ANO1: variants seen among roughly 807,000 people sequenced by gnomAD.
The protein encoded by ANO1 is anoctamin 1.
In ANO1, 59 loss-of-function variants were observed where a neutral mutation model predicts 124.0. The observed-to-expected ratio is 0.48, with a 90% CI of 0.39 to 0.59. The LOEUF (loss-of-function observed/expected upper bound fraction) is 0.59. Ranked by LOEUF, ANO1 falls within the 20% of genes least tolerant of loss-of-function variation. ANO1 has a pLI of 0.00. For missense variants in ANO1, 1,059 were observed against 1,328.0 expected, an observed-to-expected ratio of 0.80 and a Z score of 3.15; for synonymous variants, 529 against 532.0, an observed-to-expected ratio of 0.99 and a Z score of 0.08.
intron 1 of ANO1, among the ~76,000 whole-genome samples, chr11:69,990,944 G>C (rs1856141834): frequency 6.6e-6 from 1 of 152,062 alleles, no homozygotes; most frequent in African/African-American, 2.4e-5. Context: ...AATGTCCTTT[G>C]ATGTACAAAA....
At chr11:70,004,595 G>A (rs1856449302) in intron 1 of ANO1, among the ~76,000 whole-genome samples, 1 of 152,238 alleles carries the variant, frequency 6.6e-6, no homozygotes, top group South Asian at 2.1e-4. Flanking sequence ...ACGTTACGCA[G>A]CATCTCCTGG....
intron 1 of ANO1, chr11:70,065,019 A>G (rs968332065): frequency 2.0e-5 from 3 of 152,284 alleles, no homozygotes; most frequent in African/African-American, 7.2e-5. Context: ...GACTTAAAAA[A>G]TATGTGGTTG....
chr11:70,143,997 C>T (rs1419429366), intron 11 of ANO1, among the ~76,000 whole-genome samples: 2 of 152,042 alleles, frequency 1.3e-5, no homozygotes, highest in Admixed American at 6.6e-5. Flanking sequence ...TTTCCCCCAA[C>T]CCCAGCCCCT....
intron 1 of ANO1, among the ~76,000 whole-genome samples, chr11:70,008,575 C>G (rs1555000490): frequency 6.6e-6 from 1 of 151,928 alleles, no homozygotes; most frequent in South Asian, 2.1e-4. Context: ...TATTTCTGGG[C>G]TCTCTGTTCT....
At chr11:70,077,078 T>C (rs2044070529), upstream of ANO1, among the ~76,000 whole-genome samples, 1 of 152,156 alleles carries the variant, frequency 6.6e-6, no homozygotes, top group Admixed American at 6.5e-5. Context: ...GACTCCAGGT[T>C]CCATGCTTGG....
chr11:70,091,696 G>A (rs1237949415), intron 2 of ANO1, among the ~76,000 whole-genome samples: 1 of 152,190 alleles, frequency 6.6e-6, no homozygotes, highest in Non-Finnish European at 1.5e-5. Context: ...AGTCATGGAG[G>A]CCACTGGCTG....
chr11:70,144,987 T>C (rs1590850429), intron 11 of ANO1, among the ~76,000 whole-genome samples: 1 of 152,160 alleles, frequency 6.6e-6, no homozygotes, highest in East Asian at 1.9e-4. Context: ...TGGCAGCAGC[T>C]GGGTATTATA....
chr11:70,003,591 A>G (rs1223719647), intron 1 of ANO1, among the ~76,000 whole-genome samples: 1 of 100,180 alleles, frequency 1.0e-5, no homozygotes, highest in South Asian at 3.7e-4. Flanking sequence ...TGGTGGATGG[A>G]TGGGTGGATG....
At chr11:69,974,478 A>G in the ANO1 span, among the ~76,000 whole-genome samples, 1 of 152,240 alleles carries the variant, frequency 6.6e-6, no homozygotes, top group Admixed American at 6.5e-5. Flanking sequence ...AGATGAGGAA[A>G]CTGAGGCACA....
At chr11:69,987,604 C>CAAAAAAAAAAAAAAAAAAAAA (rs202001305) in intron 1 of ANO1, among the ~76,000 whole-genome samples, 1 of 109,738 alleles carries the variant, frequency 9.1e-6, no homozygotes, top group African/African-American at 4.3e-5. Context: ...GACCATGTCT[C>CAAAAAAAAAAAAAAAAAAAAA]AAAAAAAAAA....
chr11:70,168,493 C>T (rs1046979097), intron 21 of ANO1, among the ~76,000 whole-genome samples: 4 of 152,222 alleles, frequency 2.6e-5, no homozygotes, highest in Admixed American at 1.3e-4. Flanking sequence ...TGTCTCCCCC[C>T]GGTAGGACGG....
chr11:69,966,116 A>G, the ANO1 span, among the ~76,000 whole-genome samples: 1 of 152,164 alleles, frequency 6.6e-6, no homozygotes, highest in Non-Finnish European at 1.5e-5. Flanking sequence ...CAAAGGAGGC[A>G]CTCAGGGTGG....
chr11:70,041,410 T>C (rs926548710), intron 1 of ANO1, among the ~76,000 whole-genome samples: 1 of 152,202 alleles, frequency 6.6e-6, no homozygotes, highest in East Asian at 1.9e-4. Flanking sequence ...ACATGGAATA[T>C]TGAGATTGGA....
At chr11:69,985,075 T>G (rs1032558580), upstream of ANO1, among the ~76,000 whole-genome samples, 4 of 152,138 alleles carry the variant, frequency 2.6e-5, no homozygotes, top group African/African-American at 9.7e-5. Context: ...TGTCCAGACC[T>G]TGGTTTCTAA....
intron 11 of ANO1, among the ~76,000 whole-genome samples, chr11:70,141,897 G>A (rs972035621): frequency 7.2e-5 from 11 of 152,104 alleles, no homozygotes; most frequent in South Asian, 6.2e-4. Flanking sequence ...CCTGGCAGCC[G>A]GGAGCCTGGT....
At position 70,152,321 on chromosome 11, in the gene ANO1, C is replaced by T; in HGVS notation, c.1342-129C>T. On this transcript the variant is annotated intron_variant, in intron 12 of 25. Coordinates refer to ENST00000355303, the MANE Select transcript of ANO1 (RefSeq NM_018043.7). ...TTGCACTCCAGCCTGCTCAATAGAGCAAGACTCCATCTCAAAAAAAAAAAA... is the reference window on the plus strand; with the variant it reads ...TTGCACTCCAGCCTGCTCAATAGAGTAAGACTCCATCTCAAAAAAAAAAAA... The T allele has an allele frequency of 4.7e-6, 4 of 843,534 alleles. No homozygotes were observed. The South Asian group carries it at 6.6e-5, about 14-fold the overall frequency. The allele number at this position is 843,534 out of a possible 1,614,324, so 52.3% of individuals were successfully genotyped here.
In ANO1 at chr11:70,176,139, G is replaced by GTATATATATATATA. The variant is rs371250706; in HGVS notation, c.2351-3864_2351-3851dup. ...GGACAGGGCGACTTCCAGATTATGG[G>GTATATATATATATA]TATATATATATATACACTTTTTTTT... On this transcript the variant is annotated intron_variant, in intron 22 of 25. Coordinates refer to ENST00000355303, the MANE Select transcript of ANO1 (RefSeq NM_018043.7). Among the ~76,000 whole-genome samples the GTATATATATATATA allele has an allele frequency of 4.7e-3, 685 of 146,478 alleles. 7 individuals are homozygous for GTATATATATATATA. The highest frequency in any genetic ancestry group is 0.017 in the African/African-American group (663 of 39,194).
At chr11:70,068,261 T>C (rs1199192899) in intron 1 of ANO1, among the ~76,000 whole-genome samples, 3 of 152,222 alleles carry the variant, frequency 2.0e-5, no homozygotes, top group Non-Finnish European at 4.4e-5. Flanking sequence ...CAAGTGTCCG[T>C]GCAGGGGTTG....
intron 21 of ANO1, among the ~76,000 whole-genome samples, chr11:70,169,063 G>A (rs994539411): frequency 3.3e-5 from 5 of 152,206 alleles, no homozygotes; most frequent in Non-Finnish European, 7.4e-5. Flanking sequence ...ACGGGGTCTG[G>A]GAGGTGGCTT....
Sources: gnomAD v4.1 joint callset for allele counts (sites outside exome capture counted in the v4.1 genomes callset) on GRCh38, gnomAD v4.1.1 for gene constraint, MANE v1.5 for transcripts, NCBI Gene and HGNC (gene_info 2026-07-23, HGNC 2026-07-21) for gene names.